Variants in AGPS observed in about 807,000 individuals in gnomAD.
AGPS encodes the protein alkyldihydroxyacetonephosphate synthase, peroxisomal.
A neutral mutation model predicts 90.7 loss-of-function variants in AGPS; 26 were observed. The observed-to-expected ratio is 0.29, with a 90% CI of 0.21 to 0.40. AGPS has a LOEUF of 0.40. Among genes scored for constraint, AGPS ranks in the 10% least tolerant of loss-of-function variants. The pLI is 1.00. For synonymous variants in AGPS, 294 were observed against 285.3 expected (o/e 1.03, Z -0.31); for missense variants, 540 against 816.1 (o/e 0.66, Z 4.12).
At chr2:177,511,298 A>G (rs1031982115) in intron 16 of AGPS, among the ~76,000 whole-genome samples, 10 of 151,814 alleles carry the variant, frequency 6.6e-5, no homozygotes, top group Non-Finnish European at 1.5e-4. Flanking sequence ...AGGTCTCATT[A>G]TGTTGCCCAG....
At chr2:177,519,028 G>C (rs1324593981) in intron 17 of AGPS, among the ~76,000 whole-genome samples, 1 of 152,118 alleles carries the variant, frequency 6.6e-6, no homozygotes, top group African/African-American at 2.4e-5. Flanking sequence ...GGTGCTGAGT[G>C]AAGGTATATC....
chr2:177,492,530 C>CT (rs1688295942), intron 11 of AGPS, among the ~76,000 whole-genome samples: 2 of 152,148 alleles, frequency 1.3e-5, no homozygotes, highest in African/African-American at 4.8e-5. Context: ...TAGTACATTT[C>CT]TTTAACATTT....
chr2:177,508,610 A>AATAC (rs1215479434), intron 16 of AGPS, among the ~76,000 whole-genome samples: 1 of 152,192 alleles, frequency 6.6e-6, no homozygotes, highest in Non-Finnish European at 1.5e-5. Flanking sequence ...CTTTACTGGA[A>AATAC]ATACATACAT....
chr2:177,436,971 A>G lies in AGPS; in HGVS notation c.563-9A>G, dbSNP rs757518400. On this transcript the variant is annotated splice_polypyrimidine_tract_variant and intron_variant, in intron 4 of 19. Transcript: ENST00000264167. ...TTTTGTGTTTTTCTTTTTTTTAACC[A>G]CAAAACAGGTCATTGTCTTCATGAG... The G allele has an allele frequency of 2.8e-5, 45 of 1,613,090 alleles. No individual in the cohort carries two copies. Among genetic ancestry groups the G allele is most frequent in the Non-Finnish European group, 3.6e-5 (43 of 1,179,646 alleles).
chr2:177,503,433 A>G (rs753939308), intron 14 of AGPS, among the ~76,000 whole-genome samples: 4 of 152,182 alleles, frequency 2.6e-5, no homozygotes, highest in Non-Finnish European at 5.9e-5. Context: ...TGGCCCTTTT[A>G]TATAAAAAGA....
intron 17 of AGPS, among the ~76,000 whole-genome samples, chr2:177,520,651 T>C (rs1689159189): frequency 6.6e-6 from 1 of 152,220 alleles, no homozygotes; most frequent in South Asian, 2.1e-4. Context: ...TGGAAGTGCC[T>C]CAAATTTTGT....
intron 8 of AGPS, among the ~76,000 whole-genome samples, chr2:177,456,645 A>G (rs1687119183): frequency 6.6e-6 from 1 of 152,178 alleles, no homozygotes; most frequent in Non-Finnish European, 1.5e-5. Context: ...AATTCCTGGT[A>G]TATAGTACCT....
At chr2:177,505,382 G>C in intron 14 of AGPS, 124 bp from the exon 15 acceptor site, 1 of 845,222 alleles carries the variant, frequency 1.2e-6, no homozygotes, top group Non-Finnish European at 1.9e-6. Context: ...AGATGAAACA[G>C]AAATATTAAA....
chr2:177,523,889 A>G (rs1478032437), intron 19 of AGPS, 84 bp downstream of exon 19: 2 of 1,122,086 alleles, frequency 1.8e-6, no homozygotes, highest in Non-Finnish European at 2.7e-6. Flanking sequence ...GAGACATGGT[A>G]TGAATAATAT....
intron 11 of AGPS, among the ~76,000 whole-genome samples, chr2:177,490,779 T>A (rs1027921824): frequency 3.3e-5 from 5 of 151,380 alleles, no homozygotes; most frequent in African/African-American, 1.2e-4. Flanking sequence ...CAACAATAAT[T>A]AAGTTTTTGC....
chr2:177,523,682 T>C, intron 18 of AGPS, 66 bp from the exon 19 acceptor site: 1 of 1,367,666 alleles, frequency 7.3e-7, no homozygotes, highest in Non-Finnish European at 1.0e-6. Context: ...GGGAGTTGGG[T>C]CTTTTTCTTT....
chr2:177,398,260 G>A (rs1044033730), intron 1 of AGPS, among the ~76,000 whole-genome samples: 20 of 152,158 alleles, frequency 1.3e-4, no homozygotes, highest in African/African-American at 4.6e-4. Flanking sequence ...TATGTTGAAT[G>A]AAATATTTAC....
At chr2:177,397,651 G>A (rs1685221669) in intron 1 of AGPS, among the ~76,000 whole-genome samples, 1 of 152,020 alleles carries the variant, frequency 6.6e-6, no homozygotes, top group Non-Finnish European at 1.5e-5. Context: ...TAAATGTTCA[G>A]GTCAAAAGAA....
intron 10 of AGPS, among the ~76,000 whole-genome samples, chr2:177,470,411 A>C (rs567587368): frequency 6.6e-6 from 1 of 152,202 alleles, no homozygotes; most frequent in Non-Finnish European, 1.5e-5. Flanking sequence ...GCAAAGAACT[A>C]TAAGAGATTG....
chr2:177,411,806 T>C (rs1685628821), intron 1 of AGPS, among the ~76,000 whole-genome samples: 2 of 152,330 alleles, frequency 1.3e-5, no homozygotes, highest in Admixed American at 6.5e-5. Context: ...TGTTCTATTA[T>C]GTTGTTGTAG....
At chr2:177,441,092 T>C (rs1031887048) in intron 6 of AGPS, 56 bp downstream of exon 6, 1 of 1,357,612 alleles carries the variant, frequency 7.4e-7, no homozygotes, top group Admixed American at 1.7e-5. Flanking sequence ...TTAAAATATT[T>C]GTATTTTAAA....
rs1219305849 is a variant in AGPS at position 177,543,610 on chromosome 2, G to A, written c.*5415G>A. 1.3e-5 allele frequency: 2 copies of A among 152,222 alleles called. No homozygotes were observed. The highest frequency in any genetic ancestry group is 2.9e-5 in the Non-Finnish European group (2 of 68,046). The allele number at this position is 152,222 out of a possible 1,614,324, so 9.4% of individuals were successfully genotyped here. ...ACATTTATAGTCTAAAAGGGGATAT[G>A]CAGTGGGAAGGAAAATTCCTGAGAG... On this transcript the variant is annotated 3_prime_UTR_variant, in exon 20 of 20. Coordinates refer to ENST00000264167, the MANE Select transcript of AGPS (RefSeq NM_003659.4).
At chr2:177,491,773 C>T (rs74592936) in intron 11 of AGPS, among the ~76,000 whole-genome samples, 76 of 34,270 alleles carry the variant, frequency 2.2e-3, no homozygotes, top group East Asian at 3.4e-3. Context: ...CCCCCCCCCC[C>T]TTTTTTTTCA....
chr2:177,519,111 T>C (rs995747821), intron 17 of AGPS, among the ~76,000 whole-genome samples: 6 of 152,200 alleles, frequency 3.9e-5, no homozygotes, highest in South Asian at 2.1e-4. Flanking sequence ...CTTTGGTTTT[T>C]CTTATTCCTG....
Sources: allele counts gnomAD v4.1 joint callset (sites outside exome capture counted in the v4.1 genomes callset), GRCh38; gene constraint gnomAD v4.1.1; transcripts MANE v1.5; gene names NCBI Gene and HGNC (gene_info 2026-07-23, HGNC 2026-07-21).